AXDND1: variants seen among roughly 807,000 people sequenced by gnomAD.
The protein encoded by AXDND1 is axonemal dynein light chain domain containing 1, also known as axonemal dynein light chain domain-containing protein 1.
In AXDND1, 110 loss-of-function variants were observed where a neutral mutation model predicts 137.5. The observed-to-expected ratio is 0.80, with a 90% CI of 0.69 to 0.94. The LOEUF (loss-of-function observed/expected upper bound fraction) is 0.94, where lower values mean the gene tolerates loss of function less well. Among genes scored for constraint, AXDND1 ranks in the 40% least tolerant of loss-of-function variants. The pLI, the probability that AXDND1 is intolerant of heterozygous loss-of-function variation, is 0.00. For synonymous variants in AXDND1, 414 were observed against 399.7 expected (o/e 1.04, Z -0.43); for missense variants, 1,191 against 1,169.8 (o/e 1.02, Z -0.26).
At chr1:179,380,348 A>C (rs565655220) in intron 6 of AXDND1, among the ~76,000 whole-genome samples, 33 of 152,328 alleles carry the variant, frequency 2.2e-4, no homozygotes, top group Non-Finnish European at 2.5e-4. Flanking sequence ...TAAATTATTC[A>C]TATTTTTTCC....
chr1:179,412,546 A>G (rs1654055717), intron 12 of AXDND1, among the ~76,000 whole-genome samples: 1 of 152,096 alleles, frequency 6.6e-6, no homozygotes, highest in African/African-American at 2.4e-5. Context: ...AGCTAGAGAG[A>G]AAGCTAATAT....
chr1:179,444,552 A>T (rs1467183318), intron 15 of AXDND1, among the ~76,000 whole-genome samples: 1 of 152,082 alleles, frequency 6.6e-6, no homozygotes, highest in Non-Finnish European at 1.5e-5. Flanking sequence ...GTTTACACAG[A>T]TAAACAAAAC....
At chr1:179,551,161 G>T (rs375277563) in intron 25 of AXDND1, 3 of 1,613,530 alleles carry the variant, frequency 1.9e-6, no homozygotes, top group Non-Finnish European at 2.5e-6. Context: ...GTCACATTAT[G>T]CCCCATCCTT....
intron 25 of AXDND1, among the ~76,000 whole-genome samples, chr1:179,547,907 C>CAAGA (rs1232588684): frequency 3.9e-5 from 6 of 152,056 alleles, no homozygotes; most frequent in Non-Finnish European, 8.8e-5. Flanking sequence ...CAAACCCAGG[C>CAAGA]AAGAAAGAAA....
chr1:179,442,928 G>A (rs1188583304), intron 15 of AXDND1, among the ~76,000 whole-genome samples: 1 of 152,142 alleles, frequency 6.6e-6, no homozygotes, highest in Non-Finnish European at 1.5e-5. Flanking sequence ...CTTGCCTCTG[G>A]TGCACAAGGG....
intron 20 of AXDND1, among the ~76,000 whole-genome samples, chr1:179,498,299 C>G (rs146430777): frequency 6.6e-6 from 1 of 151,842 alleles, no homozygotes; most frequent in African/African-American, 2.4e-5. Context: ...GGTACAAAAA[C>G]AGACATGTAG....
chr1:179,496,914 A>G (rs1024354239), intron 20 of AXDND1, among the ~76,000 whole-genome samples: 3 of 152,062 alleles, frequency 2.0e-5, no homozygotes, highest in Admixed American at 2.0e-4. Context: ...AATTCCATTT[A>G]AAATACATTT....
chr1:179,509,212 G>A (rs931136855), intron 20 of AXDND1, 84 bp from the exon 21 acceptor site: 18 of 806,372 alleles, frequency 2.2e-5, no homozygotes, highest in Non-Finnish European at 3.4e-5. Flanking sequence ...TATGTTTAGA[G>A]GAATTGTATT....
At chr1:179,425,100 T>C (rs867618087) in intron 12 of AXDND1, among the ~76,000 whole-genome samples, 23 of 152,334 alleles carry the variant, frequency 1.5e-4, no homozygotes, top group Middle Eastern at 3.4e-3. Context: ...CTTATGAATG[T>C]ATGTCTATTA....
At chr1:179,452,318 G>A (rs1660647242) in intron 16 of AXDND1, 2 of 152,960 alleles carry the variant, frequency 1.3e-5, no homozygotes, top group Non-Finnish European at 2.9e-5. Flanking sequence ...TGACTTGAGT[G>A]CTGTTAAAGG....
At chr1:179,484,532 C>T (rs10913795) in intron 18 of AXDND1, among the ~76,000 whole-genome samples, 69,285 of 151,864 alleles carry the variant, frequency 0.46, 16,689 homozygotes, top group East Asian at 0.76. Flanking sequence ...TCCCAGGGGC[C>T]TGCATCATAG....
chr1:179,381,570 C>T (rs965789569), intron 6 of AXDND1, among the ~76,000 whole-genome samples: 9 of 151,870 alleles, frequency 5.9e-5, no homozygotes, highest in South Asian at 2.1e-4. Flanking sequence ...TCTCGAACTC[C>T]GGACCTCAGG....
intron 11 of AXDND1, among the ~76,000 whole-genome samples, chr1:179,403,510 A>G (rs564845296): frequency 1.8e-4 from 28 of 152,368 alleles, no homozygotes; most frequent in African/African-American, 6.3e-4. Flanking sequence ...GGGAGAGATC[A>G]CTTTTTACTG....
chr1:179,386,909 T>C (rs919725602), intron 9 of AXDND1, among the ~76,000 whole-genome samples: 13 of 151,944 alleles, frequency 8.6e-5, no homozygotes, highest in African/African-American at 2.9e-4. Flanking sequence ...GTATTTTTTT[T>C]TGTAGAGACA....
At chr1:179,551,310 C>T in intron 25 of AXDND1, 1 of 1,614,090 alleles carries the variant, frequency 6.2e-7, no homozygotes, top group East Asian at 2.2e-5. Flanking sequence ...AAAGGTAAAA[C>T]CACAGTGGAA....
intron 11 of AXDND1, among the ~76,000 whole-genome samples, chr1:179,405,861 CATTT>C (rs1193567744): frequency 6.6e-6 from 1 of 151,472 alleles, no homozygotes; most frequent in Non-Finnish European, 1.5e-5. Context: ...TAGTTTCTCT[CATTT>C]ATTTCTGCTC....
At chr1:179,379,728 G>A (rs1226525903) in intron 6 of AXDND1, among the ~76,000 whole-genome samples, 5 of 148,996 alleles carry the variant, frequency 3.4e-5, no homozygotes, top group Non-Finnish European at 4.5e-5. Context: ...CCTGGGAGGC[G>A]GAGGTTGCAG....
At chr1:179,507,778 TAA>T (rs5779029) in intron 20 of AXDND1, among the ~76,000 whole-genome samples, 41 of 149,874 alleles carry the variant, frequency 2.7e-4, no homozygotes, top group Middle Eastern at 3.4e-3. Context: ...ACAGCTTCAT[TAA>T]AAAAAAAAAG....
chr1:179,469,532 C>G (rs1663669475), intron 17 of AXDND1, among the ~76,000 whole-genome samples: 1 of 152,030 alleles, frequency 6.6e-6, no homozygotes, highest in African/African-American at 2.4e-5. Context: ...TATATATCAC[C>G]TAAGGAGTGG....
Sources: gnomAD v4.1 joint callset for allele counts (sites outside exome capture counted in the v4.1 genomes callset) on GRCh38, gnomAD v4.1.1 for gene constraint, MANE v1.5 for transcripts, NCBI Gene and HGNC (gene_info 2026-07-23, HGNC 2026-07-21) for gene names.